The following COMMD7 variants were observed in gnomAD, a reference collection of about 807,000 sequenced individuals.
The protein encoded by COMMD7 is COMM domain containing 7.
A neutral mutation model predicts 34.8 loss-of-function variants in COMMD7; 28 were observed. The ratio of observed to expected loss-of-function variants is 0.80; its 90% CI spans 0.60 to 1.10. The LOEUF (loss-of-function observed/expected upper bound fraction) is 1.10, where lower values mean the gene tolerates loss of function less well. COMMD7 is among the 50% of genes least tolerant of loss of function. The pLI, the probability that COMMD7 is intolerant of heterozygous loss-of-function variation, is 0.00. For missense variants in COMMD7, 211 were observed against 241.6 expected (o/e 0.87, Z 0.84); for synonymous variants, 80 against 86.4 (o/e 0.93, Z 0.41).
chr20:32,728,480 G>A (rs6087976), intron 1 of COMMD7, among the ~76,000 whole-genome samples: 105,037 of 151,890 alleles, frequency 0.69, 37,013 homozygotes, highest in Middle Eastern at 0.82. Context: ...GCACGCACAA[G>A]GGGGAAATCA....
chr20:32,712,269 CAAA>C (rs56096713), intron 3 of COMMD7, among the ~76,000 whole-genome samples: 7 of 71,838 alleles, frequency 9.7e-5, no homozygotes, highest in Admixed American at 6.5e-4. Context: ...GACTCCGTCT[CAAA>C]AAAAAAAAAA....
At position 32,731,428 on chromosome 20, in the gene COMMD7, T is replaced by C. The variant is rs188512380; in HGVS notation, c.85-3286A>G. ...GAAGGATTGCTTGAGCCCAGGAGCTTGAGGCTGCAGCAAACTATGATTGCG... is the reference window on the plus strand; with the variant it reads ...GAAGGATTGCTTGAGCCCAGGAGCTCGAGGCTGCAGCAAACTATGATTGCG... On this transcript the variant is annotated intron_variant, in intron 1 of 8. Coordinates refer to ENST00000278980, the MANE Select transcript of COMMD7 (RefSeq NM_053041.3). Among the ~76,000 whole-genome samples, 21 of 152,248 alleles carry C rather than the reference T, an allele frequency of 1.4e-4. No individual in the cohort carries two copies. The East Asian group carries it at 3.9e-3, about 28-fold the overall frequency.
intron 7 of COMMD7, 129 bp from the exon 8 acceptor site, chr20:32,704,200 C>T (rs1983918572): frequency 1.2e-6 from 1 of 843,502 alleles, no homozygotes; most frequent in Non-Finnish European, 1.8e-6. Flanking sequence ...TCATCCACCA[C>T]CGAAAATTCT....
At chr20:32,711,387 ACT>A (rs1486872816) in intron 3 of COMMD7, among the ~76,000 whole-genome samples, 6 of 141,102 alleles carry the variant, frequency 4.3e-5, no homozygotes, top group African/African-American at 8.0e-5. Context: ...ACGGAGTGAG[ACT>A]CTGTCTAAAA....
At chr20:32,703,842 G>C in intron 8 of COMMD7, 181 bp downstream of exon 8, 1 of 1,544,014 alleles carries the variant, frequency 6.5e-7, no homozygotes, top group Non-Finnish European at 8.7e-7. Context: ...GCTCCAACCT[G>C]CCAGTGGCTT....
chr20:32,702,895 T>C lies in COMMD7; in HGVS notation c.*487A>G, dbSNP rs758717905. On this transcript the variant is annotated 3_prime_UTR_variant, in exon 9 of 9. Transcript: ENST00000278980. ...ACACAGGTGCCTCATTAAGAACTGA[T>C]TGGCAATGTTCCACCAGCACAGACC... is the stretch of plus-strand genomic sequence containing the variant. The C allele has an allele frequency of 1.3e-5, 2 of 153,538 alleles. No individual in the cohort carries two copies. Among genetic ancestry groups the C allele is most frequent in the Non-Finnish European group, 2.9e-5 (2 of 68,966 alleles). The allele number at this position is 153,538 out of a possible 1,614,324, so 9.5% of individuals were successfully genotyped here. A position where few individuals can be genotyped will look rare whatever the true frequency, so the allele number is the denominator to read the frequency against.
At chr20:32,742,118 C>T (rs948152047) in intron 1 of COMMD7, among the ~76,000 whole-genome samples, 1 of 151,884 alleles carries the variant, frequency 6.6e-6, no homozygotes, top group African/African-American at 2.4e-5. Context: ...ACCTGGGAGG[C>T]GGAGGTTGCA....
At chr20:32,721,694 A>C (rs1280252917) in intron 3 of COMMD7, among the ~76,000 whole-genome samples, 1 of 152,222 alleles carries the variant, frequency 6.6e-6, no homozygotes, top group Non-Finnish European at 1.5e-5. Flanking sequence ...AGCCTGACCA[A>C]CATGGAGAAA....
At chr20:32,719,369 C>T (rs977030177) in intron 3 of COMMD7, among the ~76,000 whole-genome samples, 24 of 152,050 alleles carry the variant, frequency 1.6e-4, no homozygotes, top group African/African-American at 5.6e-4. Context: ...ACAGGAAGGC[C>T]GGGAGCAGTG....
chr20:32,737,069 C>T (rs1986165751), intron 1 of COMMD7, among the ~76,000 whole-genome samples: 1 of 151,840 alleles, frequency 6.6e-6, no homozygotes, highest in Non-Finnish European at 1.5e-5. Flanking sequence ...GTAGTCCCAG[C>T]CACTCTGGAG....
chr20:32,714,039 G>A (rs1474701211), intron 3 of COMMD7, among the ~76,000 whole-genome samples: 1 of 152,162 alleles, frequency 6.6e-6, no homozygotes, highest in Non-Finnish European at 1.5e-5. Flanking sequence ...CTTGAACCCA[G>A]GAGGTGGAGG....
At chr20:32,705,494 C>T (rs1416653517) in intron 5 of COMMD7, among the ~76,000 whole-genome samples, 1 of 151,846 alleles carries the variant, frequency 6.6e-6, no homozygotes, top group Non-Finnish European at 1.5e-5. Flanking sequence ...CTGCCTCAGC[C>T]TCCCAAGTAG....
At chr20:32,732,495 A>C (rs988158457) in intron 1 of COMMD7, among the ~76,000 whole-genome samples, 1 of 152,194 alleles carries the variant, frequency 6.6e-6, no homozygotes, top group Non-Finnish European at 1.5e-5. Flanking sequence ...GGCAAGTCAC[A>C]GTGGCTCATG....
chr20:32,742,292 G>C (rs1288313173), intron 1 of COMMD7, among the ~76,000 whole-genome samples: 2 of 152,182 alleles, frequency 1.3e-5, no homozygotes, highest in African/African-American at 4.8e-5. Flanking sequence ...CATAGCTCAA[G>C]CTTAGAACCT....
chr20:32,728,639 T>C (rs547734810), intron 1 of COMMD7, among the ~76,000 whole-genome samples: 133 of 152,172 alleles, frequency 8.7e-4, no homozygotes, highest in Admixed American at 3.7e-3. Context: ...CAATCTCGGC[T>C]CACTGCAACC....
rs1160589427 is a variant in COMMD7 at position 32,706,682 on chromosome 20, G to A, written c.298+22C>T. On this transcript the variant is annotated intron_variant, in intron 4 of 8. Transcript: ENST00000278980. ...AAGCCTCAGAAGCCAGTCACCCTGA[G>A]CAACCCTGGCCAATGACCTACCCAG... 4 of 1,613,678 alleles carry A rather than the reference G, an allele frequency of 2.5e-6. No individual in the cohort carries two copies. In the Admixed American group the frequency reaches 6.7e-5, roughly 27 times the overall value.
At chr20:32,706,511 TC>T (rs1984088906) in intron 5 of COMMD7, 71 bp downstream of exon 5, 1 of 1,166,032 alleles carries the variant, frequency 8.6e-7, no homozygotes, top group Non-Finnish European at 1.2e-6. Context: ...CGACTCCATC[TC>T]AAAAAAAAAA....
At chr20:32,707,436 C>T (rs1272086487) in intron 3 of COMMD7, among the ~76,000 whole-genome samples, 2 of 151,658 alleles carry the variant, frequency 1.3e-5, no homozygotes, top group African/African-American at 4.8e-5. Context: ...TTTCATGCCT[C>T]AGCCTCCTGA....
chr20:32,726,447 A>G (rs1985519131), intron 3 of COMMD7, among the ~76,000 whole-genome samples: 1 of 152,168 alleles, frequency 6.6e-6, no homozygotes, highest in South Asian at 2.1e-4. Context: ...CACTCCTGTA[A>G]TCCTAACACT....
Sources: gnomAD v4.1 joint callset for allele counts (sites outside exome capture counted in the v4.1 genomes callset) on GRCh38, gnomAD v4.1.1 for gene constraint, MANE v1.5 for transcripts, NCBI Gene and HGNC (gene_info 2026-07-23, HGNC 2026-07-21) for gene names.